The following RECK variants were observed in gnomAD, a reference collection of about 807,000 sequenced individuals.
RECK encodes the protein reversion-inducing cysteine-rich protein with Kazal motifs.
RECK carries 69 observed loss-of-function variants against 115.1 expected under a neutral mutation model. The ratio of observed to expected loss-of-function variants is 0.60; its 90% CI spans 0.49 to 0.73. The LOEUF (loss-of-function observed/expected upper bound fraction) is 0.73. Ranked by LOEUF, RECK falls within the 30% of genes least tolerant of loss-of-function variation. RECK has a pLI of 0.00. For missense variants in RECK, 1,047 were observed against 1,203.7 expected (o/e 0.87, Z 1.93); for synonymous variants, 414 against 419.7 (o/e 0.99, Z 0.17).
In RECK at chr9:36,121,698, G is replaced by A; in HGVS notation, c.2694+10G>A. On this transcript the variant is annotated intron_variant, in intron 20 of 20. Coordinates refer to ENST00000377966, the MANE Select transcript of RECK (RefSeq NM_021111.3). ...TCCAAAAGCTCTGCAGGTGAGTTCA[G>A]CACATGTTGTGAAGCCATCTTGTCA... The A allele has an allele frequency of 6.2e-7, 1 of 1,612,420 alleles. No individual in the cohort carries two copies. Among genetic ancestry groups the A allele is most frequent in the South Asian group, 1.1e-5 (1 of 90,760 alleles).
chr9:36,087,074 T>C (rs1171352307), intron 8 of RECK, among the ~76,000 whole-genome samples: 1 of 152,098 alleles, frequency 6.6e-6, no homozygotes, highest in East Asian at 1.9e-4. Context: ...GAGAATTTGG[T>C]AGGGCCTGTA....
chr9:36,109,713 G>A (rs1273944376), intron 14 of RECK, among the ~76,000 whole-genome samples: 1 of 152,054 alleles, frequency 6.6e-6, no homozygotes, highest in Non-Finnish European at 1.5e-5. Context: ...ATGTGGTGGT[G>A]TACACCTATA....
intron 12 of RECK, among the ~76,000 whole-genome samples, chr9:36,102,722 G>A (rs1248767859): frequency 6.6e-6 from 1 of 152,126 alleles, no homozygotes; most frequent in Non-Finnish European, 1.5e-5. Flanking sequence ...CTGAGAAGCT[G>A]AGGCAGGCGG....
At chr9:36,083,322 A>AAAGCTGTTT (rs1276544067) in intron 7 of RECK, 43 bp from the exon 8 acceptor site, 2 of 1,577,420 alleles carry the variant, frequency 1.3e-6, no homozygotes, top group African/African-American at 2.7e-5. Context: ...ATGTTAACAA[A>AAAGCTGTTT]AAGCTGTTTC....
chr9:36,107,865 T>C, intron 13 of RECK, 111 bp from the exon 14 acceptor site: 1 of 718,334 alleles, frequency 1.4e-6, no homozygotes, highest in South Asian at 2.2e-5. Flanking sequence ...TATTACATAA[T>C]CTTTAATAGT....
In RECK at chr9:36,121,540, A is replaced by G. The variant is rs1824459726; in HGVS notation, c.2546A>G (p.Asn849Ser). ...EKLDTIAKVT[N>S]KKPITVLEIL... is the part of the protein sequence containing the mutation. ...CATGTTTTCTCTTTCCAGGTAACAA[A>G]TAAAAAGCCAATAACAGTTCTGGAA... Residue 849 changes from asparagine (N) to serine (S), a missense_variant, in exon 20 of 21, where the codon AAT (asparagine) becomes AGT (serine). Asn to Ser is a conservative substitution (Grantham distance 46, BLOSUM62 1). Coordinates refer to ENST00000377966, the MANE Select transcript of RECK (RefSeq NM_021111.3). The G allele has an allele frequency of 1.2e-6, 2 of 1,613,088 alleles. No individual in the cohort carries two copies. Among genetic ancestry groups the G allele is most frequent in the African/African-American group, 1.3e-5 (1 of 75,008 alleles).
At chr9:36,081,036 T>G (rs1334860969) in intron 7 of RECK, among the ~76,000 whole-genome samples, 5 of 152,116 alleles carry the variant, frequency 3.3e-5, no homozygotes, top group African/African-American at 1.2e-4. Context: ...TGTCACTGGA[T>G]AAAGTGCTCC....
At chr9:36,060,860 A>T (rs963443073) in intron 4 of RECK, among the ~76,000 whole-genome samples, 5 of 152,194 alleles carry the variant, frequency 3.3e-5, no homozygotes, top group Non-Finnish European at 7.3e-5. Flanking sequence ...CTCTGCATCC[A>T]GGTGCCATCT....
intron 4 of RECK, among the ~76,000 whole-genome samples, chr9:36,061,962 T>G (rs1185186472): frequency 6.6e-6 from 1 of 152,204 alleles, no homozygotes; most frequent in African/African-American, 2.4e-5. Context: ...TGGGGAACTA[T>G]GTTACTTACT....
At chr9:36,102,738 G>A (rs1292428007) in intron 12 of RECK, among the ~76,000 whole-genome samples, 1 of 152,016 alleles carries the variant, frequency 6.6e-6, no homozygotes, top group South Asian at 2.1e-4. Flanking sequence ...GGCGGATCAC[G>A]AGGTCAGGGG....
At chr9:36,059,004 TG>T (rs1821652435) in intron 3 of RECK, 103 bp downstream of exon 3, 4 of 674,514 alleles carry the variant, frequency 5.9e-6, no homozygotes, top group Non-Finnish European at 9.1e-6. Context: ...TTGGAATTTG[TG>T]GTCAAAATAA....
At chr9:36,112,577 C>G in intron 16 of RECK, 101 bp downstream of exon 16, 1 of 1,237,716 alleles carries the variant, frequency 8.1e-7, no homozygotes, top group Non-Finnish European at 1.1e-6. Context: ...ATTAAGAAAT[C>G]GCTGCTGCCC....
chr9:36,078,233 C>G (rs1822533509), intron 6 of RECK, among the ~76,000 whole-genome samples: 1 of 152,198 alleles, frequency 6.6e-6, no homozygotes, highest in South Asian at 2.1e-4. Flanking sequence ...TAGGCCTTGG[C>G]CTCTGACTTC....
chr9:36,036,941 C>A lies in RECK; in HGVS notation c.-58C>A, dbSNP rs1820681714. 1.7e-6 allele frequency: 2 copies of A among 1,161,896 alleles called. No homozygotes were observed. The highest frequency in any genetic ancestry group is 2.2e-6 in the Non-Finnish European group (2 of 908,110). The allele number at this position is 1,161,896 out of a possible 1,614,324, so 72.0% of individuals were successfully genotyped here. On this transcript the variant is annotated 5_prime_UTR_variant, in exon 1 of 21. Transcript: ENST00000377966. ...CGAGCGGCGGCGGTAGCGGCGGCAG[C>A]GGCTGCGGCCAAGCTGGGTCCGAGC... is the stretch of plus-strand genomic sequence containing the variant.
At position 36,118,965 on chromosome 9, in the gene RECK, C is replaced by T. The variant is rs748623772; in HGVS notation, c.2462C>T (p.Pro821Leu). The T allele has an allele frequency of 2.5e-6, 4 of 1,611,808 alleles. No homozygotes were observed. Among genetic ancestry groups the T allele is most frequent in the South Asian group, 2.2e-5 (2 of 90,980 alleles). Reference protein sequence around the residue: ...LAAGCKPIIPPGACCPLCAGM... With the variant: ...LAAGCKPIIPLGACCPLCAGM... ...GCTGGATGCAAACCCATCATCCCAC[C>T]GGGTAGGCTGGCAGTATCGGGGTGG... Residue 821 changes from proline (P) to leucine (L), a missense_variant and splice_region_variant, in exon 18 of 21, where the codon CCG becomes CTG. Coordinates refer to ENST00000377966, the MANE Select transcript of RECK (RefSeq NM_021111.3).
chr9:36,069,480 CAA>C (rs60192603), intron 6 of RECK, among the ~76,000 whole-genome samples: 6 of 84,956 alleles, frequency 7.1e-5, no homozygotes, highest in Admixed American at 2.5e-4. Flanking sequence ...GTGGAGGTTG[CAA>C]AAAAAAAAAA....
chr9:36,054,242 T>C (rs1821428093), intron 2 of RECK, among the ~76,000 whole-genome samples: 1 of 152,108 alleles, frequency 6.6e-6, no homozygotes, highest in Non-Finnish European at 1.5e-5. Flanking sequence ...TAAACAGCAT[T>C]CTTGATGACT....
chr9:36,117,160 T>A lies in RECK; in HGVS notation c.2236T>A (p.Tyr746Asn). Reference sequence around the variant, plus strand: ...ATACCAAAGAGGAAAAAGCCTCTCTTACAAAGGTCCCTGCCAGGTACAGTG... The same window carrying A: ...ATACCAAAGAGGAAAAAGCCTCTCTAACAAAGGTCCCTGCCAGGTACAGTG... ...TLYQRGKSLSYKGPCQPFCRA... is the reference protein window; with the variant it reads ...TLYQRGKSLSNKGPCQPFCRA... Residue 746 changes from tyrosine to asparagine, a missense_variant, in exon 17 of 21, where the codon TAC (tyrosine) becomes AAC (asparagine). Physicochemically the swap from Tyr to Asn is moderately radical, Grantham distance 143. Coordinates refer to ENST00000377966, the MANE Select transcript of RECK (RefSeq NM_021111.3). The A allele has an allele frequency of 6.2e-7, 1 of 1,611,936 alleles. No individual in the cohort carries two copies. The highest frequency in any genetic ancestry group is 8.5e-7 in the Non-Finnish European group (1 of 1,178,636).
intron 1 of RECK, among the ~76,000 whole-genome samples, chr9:36,040,122 G>T (rs147065941): frequency 6.6e-6 from 1 of 152,320 alleles, no homozygotes; most frequent in African/African-American, 2.4e-5. Flanking sequence ...TATACGTCAG[G>T]CACTGTTCTA....
Sources: allele counts gnomAD v4.1 joint callset (sites outside exome capture counted in the v4.1 genomes callset), GRCh38; gene constraint gnomAD v4.1.1; transcripts MANE v1.5; gene names NCBI Gene and HGNC (gene_info 2026-07-23, HGNC 2026-07-21).